The following EHBP1 variants were observed in gnomAD, a reference collection of about 807,000 sequenced individuals.
EHBP1 encodes the protein EH domain binding protein 1.
Under a neutral mutation model 144.0 loss-of-function variants are expected in EHBP1, and 55 were observed. The observed-to-expected ratio is 0.38, with a 90% CI of 0.31 to 0.48. The LOEUF (loss-of-function observed/expected upper bound fraction) is 0.48, where lower values mean the gene tolerates loss of function less well. Ranked by LOEUF, EHBP1 falls within the 20% of genes least tolerant of loss-of-function variation. The pLI is 0.98. For synonymous variants in EHBP1, 469 were observed against 472.7 expected (o/e 0.99, Z 0.10); for missense variants, 1,200 against 1,364.2 (o/e 0.88, Z 1.90).
chr2:62,901,586 A>G (rs954037524), intron 10 of EHBP1, among the ~76,000 whole-genome samples: 3 of 152,164 alleles, frequency 2.0e-5, no homozygotes, highest in African/African-American at 4.8e-5. Context: ...GCCAAAATCT[A>G]ATGATGATAA....
chr2:62,682,312 T>G (rs1261878892), intron 1 of EHBP1, among the ~76,000 whole-genome samples: 2 of 152,218 alleles, frequency 1.3e-5, no homozygotes. Context: ...TGTGTGTCCT[T>G]CATTGTCAGT....
intron 10 of EHBP1, among the ~76,000 whole-genome samples, chr2:62,876,566 A>G (rs2050904476): frequency 6.6e-6 from 1 of 152,182 alleles, no homozygotes; most frequent in African/African-American, 2.4e-5. Context: ...CTGTTCTCAC[A>G]TTGCTATAAA....
chr2:62,804,283 G>T (rs146474302), intron 5 of EHBP1, among the ~76,000 whole-genome samples: 1 of 152,088 alleles, frequency 6.6e-6, no homozygotes, highest in Non-Finnish European at 1.5e-5. Context: ...TGTGGAAGCA[G>T]AGAAAAAAAA....
At chr2:62,732,311 T>G (rs2037682444) in intron 2 of EHBP1, among the ~76,000 whole-genome samples, 1 of 152,220 alleles carries the variant, frequency 6.6e-6, no homozygotes, top group Non-Finnish European at 1.5e-5. Context: ...GCACTGTTGC[T>G]TCAAATATTT....
chr2:62,771,064 A>G (rs2041621814), intron 4 of EHBP1, among the ~76,000 whole-genome samples: 2 of 152,164 alleles, frequency 1.3e-5, no homozygotes, highest in African/African-American at 4.8e-5. Context: ...ATTGGGTACT[A>G]GAATTCGTAC....
intron 3 of EHBP1, among the ~76,000 whole-genome samples, chr2:62,754,405 G>T (rs1367001982): frequency 6.6e-6 from 1 of 152,198 alleles, no homozygotes; most frequent in Admixed American, 6.5e-5. Flanking sequence ...TGCCTCTACT[G>T]GGGGGTGCCT....
chr2:62,869,028 A>G (rs778471353), intron 9 of EHBP1, among the ~76,000 whole-genome samples: 11 of 152,192 alleles, frequency 7.2e-5, no homozygotes, highest in African/African-American at 2.4e-4. Context: ...AAATGAAAAT[A>G]TTGTATAGGA....
chr2:62,849,168 G>A (rs953105876), intron 7 of EHBP1, among the ~76,000 whole-genome samples: 2 of 151,898 alleles, frequency 1.3e-5, no homozygotes, highest in Non-Finnish European at 2.9e-5. Flanking sequence ...TAAGTTGGAA[G>A]CTGCCTTTTA....
At chr2:62,881,509 T>A in intron 10 of EHBP1, among the ~76,000 whole-genome samples, 1 of 147,534 alleles carries the variant, frequency 6.8e-6, no homozygotes, top group Non-Finnish European at 1.5e-5. Flanking sequence ...GAAAGGAAAC[T>A]CTAAAGCAGC....
intron 14 of EHBP1, among the ~76,000 whole-genome samples, chr2:62,976,121 C>T (rs900290567): frequency 6.6e-5 from 10 of 152,126 alleles, no homozygotes; most frequent in African/African-American, 2.4e-4. Flanking sequence ...ATATTGGACT[C>T]GAATTTTCCT....
chr2:62,707,702 C>G (rs919352800), intron 2 of EHBP1, among the ~76,000 whole-genome samples: 3 of 152,018 alleles, frequency 2.0e-5, no homozygotes, highest in African/African-American at 7.3e-5. Context: ...ATATAGAAGT[C>G]TATATTCTTG....
intron 9 of EHBP1, among the ~76,000 whole-genome samples, chr2:62,866,850 T>G (rs1230134169): frequency 6.6e-6 from 1 of 151,880 alleles, no homozygotes; most frequent in African/African-American, 2.4e-5. Flanking sequence ...TTTAAAAATA[T>G]AAACAAACCT....
intron 19 of EHBP1, among the ~76,000 whole-genome samples, chr2:63,031,734 G>A (rs2061256143): frequency 6.6e-6 from 1 of 152,164 alleles, no homozygotes; most frequent in African/African-American, 2.4e-5. Flanking sequence ...TGTGAGACCA[G>A]CCTGGCCACC....
chr2:62,778,541 CA>C (rs955575672), intron 5 of EHBP1, among the ~76,000 whole-genome samples: 19,075 of 81,500 alleles, frequency 0.23, 1,212 homozygotes, highest in African/African-American at 0.26. Flanking sequence ...GAGACCCTGT[CA>C]AAAAAAAAAA....
At position 62,875,283 on chromosome 2, in the gene EHBP1, G is replaced by A. The variant is rs145504307; in HGVS notation, c.1185+751G>A. Among the ~76,000 whole-genome samples the A allele has an allele frequency of 2.0e-5, 3 of 152,322 alleles. No individual in the cohort carries two copies. In the East Asian group the frequency reaches 5.8e-4, roughly 29 times the overall value. On this transcript the variant is annotated intron_variant, in intron 10 of 22. Coordinates refer to ENST00000431489, the MANE Select transcript of EHBP1 (RefSeq NM_001142616.3). ...GACTGGGAACATCTCAGGCCCTCGA[G>A]CACAGCAGGTGCTTAAATTTGAGGT...
chr2:62,791,520 T>G (rs906840965), intron 5 of EHBP1, among the ~76,000 whole-genome samples: 1 of 152,022 alleles, frequency 6.6e-6, no homozygotes, highest in Non-Finnish European at 1.5e-5. Flanking sequence ...AATACATTTT[T>G]GAATAATATA....
chr2:62,815,749 C>T (rs1329791887), intron 5 of EHBP1, among the ~76,000 whole-genome samples: 1 of 152,120 alleles, frequency 6.6e-6, no homozygotes, highest in Admixed American at 6.6e-5. Context: ...AATTAGAGAC[C>T]TTGAAATTGA....
chr2:62,744,046 AT>A (rs1426823209), intron 2 of EHBP1, among the ~76,000 whole-genome samples: 11 of 152,234 alleles, frequency 7.2e-5, no homozygotes, highest in Admixed American at 7.2e-4. Flanking sequence ...TAAATGCACA[AT>A]TTCCTTCCTT....
At chr2:62,883,353 T>C (rs929499268) in intron 10 of EHBP1, among the ~76,000 whole-genome samples, 12 of 152,258 alleles carry the variant, frequency 7.9e-5, no homozygotes, top group Non-Finnish European at 1.2e-4. Flanking sequence ...AGGTAATGTT[T>C]CATTGCAGAT....
Sources: gnomAD v4.1 joint callset for allele counts (sites outside exome capture counted in the v4.1 genomes callset) on GRCh38, gnomAD v4.1.1 for gene constraint, MANE v1.5 for transcripts, NCBI Gene and HGNC (gene_info 2026-07-23, HGNC 2026-07-21) for gene names.